FBXL17: variants seen among roughly 807,000 people sequenced by gnomAD.
FBXL17 encodes the protein F-box and leucine rich repeat protein 17, also known as F-box/LRR-repeat protein 17.
Under a neutral mutation model 66.2 loss-of-function variants are expected in FBXL17, and 22 were observed. The observed-to-expected ratio is 0.33, with a 90% CI of 0.24 to 0.47. The LOEUF is 0.47. FBXL17 is among the 20% of genes least tolerant of loss of function. FBXL17 has a pLI of 1.00. For missense variants in FBXL17, 878 were observed against 948.2 expected, an observed-to-expected ratio of 0.93 and a Z score of 0.97; for synonymous variants, 474 against 400.5, an observed-to-expected ratio of 1.18 and a Z score of -2.19.
Position 108,204,109 on chromosome 5 carries a change from C to T in FBXL17, c.1615-17862G>A, listed in dbSNP as rs1754010900. Among the ~76,000 whole-genome samples the T allele has an allele frequency of 4.6e-5, 7 of 152,068 alleles. No homozygotes were observed. In the South Asian group the frequency reaches 1.2e-3, roughly 27 times the overall value. On this transcript the variant is annotated intron_variant, in intron 5 of 8. Coordinates refer to ENST00000542267, the MANE Select transcript of FBXL17 (RefSeq NM_001163315.3). ...CCATACGCAACACATCCCAAATACT[C>T]GGTTAATGTTTGTAAGCTGTTGATA...
chr5:107,878,325 A>G, intron 8 of FBXL17: 1 of 926,508 alleles, frequency 1.1e-6, no homozygotes, highest in Non-Finnish European at 1.3e-6. Flanking sequence ...GTATCACAAC[A>G]CAGGTTAATA....
intron 4 of FBXL17, among the ~76,000 whole-genome samples, chr5:108,294,245 AAT>A (rs952279936): frequency 7.3e-5 from 10 of 136,278 alleles, no homozygotes; most frequent in African/African-American, 1.1e-4. Context: ...ATTCTTACTG[AAT>A]ATATATATAT....
chr5:108,297,268 C>T (rs1758385990), intron 4 of FBXL17, among the ~76,000 whole-genome samples: 1 of 151,544 alleles, frequency 6.6e-6, no homozygotes, highest in African/African-American at 2.4e-5. Context: ...TTATAATCTA[C>T]AACAGTAAAG....
intron 6 of FBXL17, among the ~76,000 whole-genome samples, chr5:108,166,290 A>C (rs1169858874): frequency 6.6e-6 from 1 of 152,176 alleles, no homozygotes; most frequent in Non-Finnish European, 1.5e-5. Flanking sequence ...ACAGAGCAAG[A>C]CCCAAGCAAA....
chr5:108,109,913 G>A (rs1749964919), intron 6 of FBXL17, among the ~76,000 whole-genome samples: 1 of 152,076 alleles, frequency 6.6e-6, no homozygotes, highest in Non-Finnish European at 1.5e-5. Flanking sequence ...ATGGGGTTGA[G>A]GGAGAGAACA....
At chr5:108,164,570 T>A (rs530980906) in intron 6 of FBXL17, among the ~76,000 whole-genome samples, 76 of 152,206 alleles carry the variant, frequency 5.0e-4, no homozygotes, top group African/African-American at 1.8e-3. Flanking sequence ...AACATCATTG[T>A]AGGTAGAAAT....
At chr5:108,079,272 A>C (rs1426984826) in intron 6 of FBXL17, among the ~76,000 whole-genome samples, 2 of 152,012 alleles carry the variant, frequency 1.3e-5, no homozygotes, top group Non-Finnish European at 2.9e-5. Flanking sequence ...TCTTAATGAG[A>C]CCAGTGGGAA....
At chr5:108,138,612 A>AT (rs1364256847) in intron 6 of FBXL17, among the ~76,000 whole-genome samples, 1 of 152,180 alleles carries the variant, frequency 6.6e-6, no homozygotes, top group East Asian at 1.9e-4. Flanking sequence ...AGAAAGTTTA[A>AT]TTTTTCCCCT....
intron 5 of FBXL17, among the ~76,000 whole-genome samples, chr5:108,206,923 A>G (rs1754145106): frequency 6.6e-6 from 1 of 152,154 alleles, no homozygotes; most frequent in African/African-American, 2.4e-5. Flanking sequence ...CACATTTAAC[A>G]GTTTTAGAAA....
intron 4 of FBXL17, among the ~76,000 whole-genome samples, chr5:108,242,338 T>C (rs1212802451): frequency 6.7e-6 from 1 of 149,246 alleles, no homozygotes; most frequent in Non-Finnish European, 1.5e-5. Flanking sequence ...GGTGCCACCA[T>C]GCCTGGCTAG....
At chr5:107,871,079 A>C (rs1748440585) in intron 8 of FBXL17, among the ~76,000 whole-genome samples, 1 of 149,302 alleles carries the variant, frequency 6.7e-6, no homozygotes, top group Non-Finnish European at 1.5e-5. Context: ...AAAAAAAAAA[A>C]CCTCATCTAA....
chr5:108,107,420 T>C (rs765217746), intron 6 of FBXL17, among the ~76,000 whole-genome samples: 1 of 152,208 alleles, frequency 6.6e-6, no homozygotes, highest in Non-Finnish European at 1.5e-5. Flanking sequence ...ACGACACAAA[T>C]GCTTTTTAAC....
intron 4 of FBXL17, among the ~76,000 whole-genome samples, chr5:108,225,619 A>G (rs1354301299): frequency 6.6e-6 from 1 of 152,174 alleles, no homozygotes; most frequent in Non-Finnish European, 1.5e-5. Flanking sequence ...TAGAAGAAAC[A>G]TGGCCCTGCC....
intron 6 of FBXL17, among the ~76,000 whole-genome samples, chr5:108,137,062 C>T (rs550540730): frequency 1.3e-5 from 2 of 152,044 alleles, no homozygotes; most frequent in Non-Finnish European, 2.9e-5. Flanking sequence ...ATCAGAAATG[C>T]TATATTAACT....
chr5:108,351,331 A>C (rs187964714), intron 3 of FBXL17, among the ~76,000 whole-genome samples: 4 of 152,326 alleles, frequency 2.6e-5, no homozygotes, highest in Admixed American at 2.6e-4. Flanking sequence ...AATCAGCAAT[A>C]AACAGTCAAA....
At chr5:108,007,192 G>A (rs1209717512) in intron 7 of FBXL17, among the ~76,000 whole-genome samples, 1 of 152,210 alleles carries the variant, frequency 6.6e-6, no homozygotes, top group African/African-American at 2.4e-5. Context: ...AGCTTTGTTA[G>A]TGAGGGTCCA....
intron 6 of FBXL17, among the ~76,000 whole-genome samples, chr5:108,031,815 G>T (rs1348532112): frequency 1.3e-5 from 2 of 152,080 alleles, no homozygotes; most frequent in Non-Finnish European, 2.9e-5. Flanking sequence ...TATAGATAAT[G>T]GAAATGCATC....
At chr5:108,246,734 A>C (rs750320900) in intron 4 of FBXL17, among the ~76,000 whole-genome samples, 8 of 152,228 alleles carry the variant, frequency 5.3e-5, no homozygotes, top group Non-Finnish European at 8.8e-5. Context: ...ACATAATATA[A>C]ACTTGGTAAA....
chr5:107,964,374 T>C (rs1315657979), intron 7 of FBXL17, among the ~76,000 whole-genome samples: 1 of 152,084 alleles, frequency 6.6e-6, no homozygotes. Flanking sequence ...ATAAAACTTA[T>C]TATTTAGAGA....
Sources: gnomAD v4.1 joint callset for allele counts (sites outside exome capture counted in the v4.1 genomes callset) on GRCh38, gnomAD v4.1.1 for gene constraint, MANE v1.5 for transcripts, NCBI Gene and HGNC (gene_info 2026-07-23, HGNC 2026-07-21) for gene names.